KCNIP4: variants seen among roughly 807,000 people sequenced by gnomAD.
KCNIP4 encodes the protein Kv channel-interacting protein 4.
KCNIP4 carries 12 observed loss-of-function variants against 34.0 expected under a neutral mutation model. The ratio of observed to expected loss-of-function variants is 0.35; its 90% CI spans 0.23 to 0.57. The LOEUF is 0.57. Ranked by LOEUF, KCNIP4 falls within the 20% of genes least tolerant of loss-of-function variation. The pLI, the probability that KCNIP4 is intolerant of heterozygous loss-of-function variation, is 0.83. For missense variants in KCNIP4, 238 were observed against 311.7 expected, an observed-to-expected ratio of 0.76 and a Z score of 1.78; for synonymous variants, 124 against 102.2, an observed-to-expected ratio of 1.21 and a Z score of -1.29.
intron 1 of KCNIP4, among the ~76,000 whole-genome samples, chr4:21,215,249 T>C (rs1274890381): frequency 6.6e-6 from 1 of 152,178 alleles, no homozygotes; most frequent in Non-Finnish European, 1.5e-5. Context: ...GTATCTTCAT[T>C]CCCTTGCTGT....
At chr4:20,831,200 A>ATC (rs3077696) in intron 3 of KCNIP4, among the ~76,000 whole-genome samples, 42,014 of 151,978 alleles carry the variant, frequency 0.28, 5,980 homozygotes, top group South Asian at 0.44. Flanking sequence ...ACATATAATC[A>ATC]TCTGTTTACA....
intron 1 of KCNIP4, among the ~76,000 whole-genome samples, chr4:21,409,033 T>G (rs916461901): frequency 2.6e-5 from 4 of 152,144 alleles, no homozygotes; most frequent in Admixed American, 6.5e-5. Flanking sequence ...TTTATGTTAT[T>G]TGGTTTATAT....
chr4:21,048,221 T>C (rs1742605839), intron 1 of KCNIP4, among the ~76,000 whole-genome samples: 1 of 152,232 alleles, frequency 6.6e-6, no homozygotes, highest in Non-Finnish European at 1.5e-5. Flanking sequence ...AATTTTTTTG[T>C]GTGTGCTTTC....
In KCNIP4 at chr4:21,476,922, C is replaced by T. The variant is rs144951485; in HGVS notation, c.61+471649G>A. Among the ~76,000 whole-genome samples, 134 of 152,210 alleles carry T rather than the reference C, an allele frequency of 8.8e-4. 1 individual carries two copies. The highest frequency in any genetic ancestry group is 3.1e-3 in the African/African-American group (130 of 41,560). ...CTCCGTCCTTGCTTACCTCCTTTAA[C>T]AAATCCAGGCAGGACTCTGTCCTGG... On this transcript the variant is annotated intron_variant, in intron 1 of 8. Coordinates refer to ENST00000382152, the MANE Select transcript of KCNIP4 (RefSeq NM_025221.6).
chr4:20,868,387 G>C (rs1723085606), intron 2 of KCNIP4, among the ~76,000 whole-genome samples: 1 of 152,130 alleles, frequency 6.6e-6, no homozygotes, highest in Admixed American at 6.6e-5. Context: ...CTTACACATG[G>C]TGGGAATGTA....
chr4:21,839,349 T>C (rs1365632389), intron 1 of KCNIP4, among the ~76,000 whole-genome samples: 1 of 152,186 alleles, frequency 6.6e-6, no homozygotes, highest in African/African-American at 2.4e-5. Context: ...ATTATAGAAA[T>C]CTGAAGTTAG....
At chr4:21,488,238 C>G (rs1433540523) in intron 1 of KCNIP4, among the ~76,000 whole-genome samples, 1 of 152,084 alleles carries the variant, frequency 6.6e-6, no homozygotes, top group Admixed American at 6.6e-5. Flanking sequence ...CTAAACTTAT[C>G]CCTTTGCTTA....
At chr4:21,036,633 G>A (rs935286639) in intron 1 of KCNIP4, among the ~76,000 whole-genome samples, 1 of 152,206 alleles carries the variant, frequency 6.6e-6, no homozygotes, top group Non-Finnish European at 1.5e-5. Flanking sequence ...GGCTGAGGCA[G>A]TACAATTGCT....
chr4:21,699,735 C>T (rs535978171), intron 1 of KCNIP4, among the ~76,000 whole-genome samples: 2 of 152,200 alleles, frequency 1.3e-5, no homozygotes, highest in South Asian at 2.1e-4. Context: ...TGGATAAAGT[C>T]CGGGGCTACA....
At chr4:21,528,800 A>AAGG (rs1560490426) in intron 1 of KCNIP4, among the ~76,000 whole-genome samples, 4 of 25,066 alleles carry the variant, frequency 1.6e-4, no homozygotes, top group African/African-American at 6.3e-4. Context: ...AGAAAGGAAG[A>AAGG]AAGGAAGGAA....
chr4:20,972,449 C>G (rs1292354358), intron 1 of KCNIP4, among the ~76,000 whole-genome samples: 2 of 152,168 alleles, frequency 1.3e-5, no homozygotes, highest in Non-Finnish European at 2.9e-5. Flanking sequence ...CATTAATCTC[C>G]TATACATCTC....
rs952127161 is a variant in KCNIP4, at chr4:21,654,322, C to T, written c.61+294249G>A. Among the ~76,000 whole-genome samples, 23 of 152,148 alleles carry T rather than the reference C, an allele frequency of 1.5e-4. 1 individual carries two copies. The highest frequency in any genetic ancestry group is 1.2e-4 in the African/African-American group (5 of 41,428). On this transcript the variant is annotated intron_variant, in intron 1 of 8. Coordinates refer to ENST00000382152, the MANE Select transcript of KCNIP4 (RefSeq NM_025221.6). ...GCAATTGTTACTTAACTGCCTTAATCGTGTACCTGGTGCAAGGGCATTTAG... is the reference window on the plus strand; with the variant it reads ...GCAATTGTTACTTAACTGCCTTAATTGTGTACCTGGTGCAAGGGCATTTAG...
chr4:20,901,812 C>A (rs1198100871), intron 1 of KCNIP4, among the ~76,000 whole-genome samples: 1 of 151,760 alleles, frequency 6.6e-6, no homozygotes, highest in Non-Finnish European at 1.5e-5. Context: ...CCAGAGTGGT[C>A]ACACAGTGAG....
chr4:21,924,239 A>C (rs1238171208), intron 1 of KCNIP4, among the ~76,000 whole-genome samples: 2 of 120,132 alleles, frequency 1.7e-5, no homozygotes, highest in Non-Finnish European at 3.3e-5. Flanking sequence ...TAATGAATAT[A>C]TTTCTTTTTT....
intron 1 of KCNIP4, among the ~76,000 whole-genome samples, chr4:20,999,446 T>G (rs1214628218): frequency 3.3e-5 from 4 of 122,848 alleles, no homozygotes; most frequent in Non-Finnish European, 6.6e-5. Context: ...TTGTTTTTTT[T>G]TTTTTTTTTT....
At chr4:20,765,699 A>G (rs978812932) in intron 3 of KCNIP4, among the ~76,000 whole-genome samples, 1 of 152,154 alleles carries the variant, frequency 6.6e-6, no homozygotes, top group African/African-American at 2.4e-5. Context: ...CTTATCTATG[A>G]TGACCATTGC....
At chr4:21,752,744 C>T (rs969465286) in intron 1 of KCNIP4, among the ~76,000 whole-genome samples, 5 of 152,158 alleles carry the variant, frequency 3.3e-5, no homozygotes, top group South Asian at 2.1e-4. Context: ...TAGGAGCCTG[C>T]TACTAGGATT....
chr4:20,767,788 AG>A (rs1388716237), intron 3 of KCNIP4, among the ~76,000 whole-genome samples: 1 of 152,186 alleles, frequency 6.6e-6, no homozygotes, highest in Non-Finnish European at 1.5e-5. Flanking sequence ...AGACTTCTTC[AG>A]GATTAAAAAA....
At chr4:21,591,176 C>A (rs931641452) in intron 1 of KCNIP4, among the ~76,000 whole-genome samples, 5 of 151,746 alleles carry the variant, frequency 3.3e-5, no homozygotes, top group African/African-American at 1.2e-4. Flanking sequence ...TTTGAGCTAC[C>A]CTAATAGGTG....
Sources: allele counts gnomAD v4.1 joint callset (sites outside exome capture counted in the v4.1 genomes callset), GRCh38; gene constraint gnomAD v4.1.1; transcripts MANE v1.5; gene names NCBI Gene and HGNC (gene_info 2026-07-23, HGNC 2026-07-21).